ALOX5: variants seen among roughly 807,000 people sequenced by gnomAD.
ALOX5 encodes arachidonate 5-lipoxygenase.
A neutral mutation model predicts 87.9 loss-of-function variants in ALOX5; 64 were observed. The observed-to-expected ratio is 0.73, with a 90% CI of 0.60 to 0.90. The LOEUF (loss-of-function observed/expected upper bound fraction) is 0.90. ALOX5 is among the 40% of genes least tolerant of loss of function. ALOX5 has a pLI of 0.00. For synonymous variants in ALOX5, 388 were observed against 355.1 expected (o/e 1.09, Z -1.04); for missense variants, 822 against 907.5 (o/e 0.91, Z 1.21).
intron 6 of ALOX5, 36 bp from the exon 7 acceptor site, chr10:45,428,582 G>A (rs1841809384): frequency 6.2e-7 from 1 of 1,612,286 alleles, no homozygotes; most frequent in African/African-American, 1.3e-5. Context: ...TCCGTCTGCT[G>A]AGCCTGATTT....
chr10:45,442,506 T>C (rs1423330746), intron 9 of ALOX5: 1 of 153,000 alleles, frequency 6.5e-6, no homozygotes, highest in Non-Finnish European at 1.5e-5. Flanking sequence ...GACACACATA[T>C]GTGCCAGTGA....
intron 9 of ALOX5, 87 bp from the exon 10 acceptor site, chr10:45,442,951 C>A: frequency 7.0e-7 from 1 of 1,431,748 alleles, no homozygotes; most frequent in Non-Finnish European, 9.4e-7. Flanking sequence ...CTGGCCTCCT[C>A]GCCTCCCCTG....
At chr10:45,435,743 T>C (rs1019613740) in intron 7 of ALOX5, among the ~76,000 whole-genome samples, 2 of 152,368 alleles carry the variant, frequency 1.3e-5, no homozygotes, top group South Asian at 2.1e-4. Flanking sequence ...AATAAACATA[T>C]GTGTGCCTAT....
At chr10:45,389,221 T>C (rs1221155075) in intron 2 of ALOX5, among the ~76,000 whole-genome samples, 3 of 152,134 alleles carry the variant, frequency 2.0e-5, no homozygotes, top group African/African-American at 2.4e-5. Context: ...ATCTGATTGG[T>C]GTACCTGAAA....
At chr10:45,393,990 T>C (rs1319846563) in intron 2 of ALOX5, among the ~76,000 whole-genome samples, 1 of 152,260 alleles carries the variant, frequency 6.6e-6, no homozygotes, top group Non-Finnish European at 1.5e-5. Context: ...CCCATGCTCA[T>C]GGATAGGAAG....
rs1462382230 is a variant in ALOX5 at position 45,412,503 on chromosome 10, A to ACC, written c.554+190_554+191insCC. Among the ~76,000 whole-genome samples the ACC allele has an allele frequency of 1.2e-4, 18 of 152,294 alleles. No homozygotes were observed. In the East Asian group the frequency reaches 1.5e-3, roughly 13 times the overall value. ...AATTGCAGGACAACCGGTATCTTAAAAAAGGCATAACCAGAGGACTCCAGA... is the reference window on the plus strand; with the variant it reads ...AATTGCAGGACAACCGGTATCTTAAACCAAAGGCATAACCAGAGGACTCCAGA... On this transcript the variant is annotated intron_variant, in intron 4 of 13. Transcript: ENST00000374391.
chr10:45,380,017 G>A (rs1027963516), intron 1 of ALOX5, among the ~76,000 whole-genome samples: 11 of 152,116 alleles, frequency 7.2e-5, no homozygotes, highest in Non-Finnish European at 1.2e-4. Context: ...GGCCCGACGC[G>A]TATCCAGTCC....
rs2132809462 is a variant in ALOX5, at chr10:45,425,513, A to C, written c.834+381A>C. On this transcript the variant is annotated intron_variant, in intron 6 of 13. Coordinates refer to ENST00000374391, the MANE Select transcript of ALOX5 (RefSeq NM_000698.5). This position sits in a 1 kb window ranked among gnomAD's most constrained non-coding sequence, Gnocchi z 4.4. The stretch of plus-strand genomic sequence containing the variant: ...TGTCACCCACCTTGCAAAGGGGAGA[A>C]CACTGGAGAAAGAAGCAGACCTTGT... 6.6e-6 allele frequency among the ~76,000 whole-genome samples: 1 copy of C among 152,316 alleles called. No homozygotes were observed. The highest frequency in any genetic ancestry group is 1.5e-5 in the Non-Finnish European group (1 of 68,020).
intron 2 of ALOX5, among the ~76,000 whole-genome samples, chr10:45,384,681 C>T (rs1435905494): frequency 6.6e-6 from 1 of 152,142 alleles, no homozygotes; most frequent in East Asian, 1.9e-4. Context: ...CTGCCAATCT[C>T]TTCAGGCTTG....
At chr10:45,390,992 TCTCCC>T (rs1840203705) in intron 2 of ALOX5, among the ~76,000 whole-genome samples, 1 of 44,096 alleles carries the variant, frequency 2.3e-5, no homozygotes, top group African/African-American at 1.3e-4. Flanking sequence ...CCCTCTCCCC[TCTCCC>T]CTCTCCCCTC....
intron 2 of ALOX5, among the ~76,000 whole-genome samples, chr10:45,387,819 A>T (rs1334252035): frequency 6.6e-6 from 1 of 152,214 alleles, no homozygotes; most frequent in Non-Finnish European, 1.5e-5. Context: ...ACTAATTCAG[A>T]CTGGTTCCAA....
chr10:45,427,518 G>C (rs530336456), intron 6 of ALOX5, among the ~76,000 whole-genome samples: 1 of 152,244 alleles, frequency 6.6e-6, no homozygotes, highest in South Asian at 2.1e-4. Flanking sequence ...TCCTGGGTGG[G>C]TGGCTTCTGT....
In ALOX5 at chr10:45,443,184, C is replaced by T. The variant is rs754034177; in HGVS notation, c.1419C>T (p.Asp473=). The change falls in exon 10 of 14, where the codon GAC becomes GAT. Residue 473 remains aspartate (D), a synonymous_variant. Transcript: ENST00000374391. ...ACATCCCCTACTACTTCTACCGGGACGACGGGCTCCTGGTGTGGGAAGCCA... is the reference window on the plus strand; with the variant it reads ...ACATCCCCTACTACTTCTACCGGGATGACGGGCTCCTGGTGTGGGAAGCCA... ...KEDIPYYFYR[D]DGLLVWEAIR... 4.3e-6 allele frequency: 7 copies of T among 1,613,560 alleles called. No individual in the cohort carries two copies. Among genetic ancestry groups the T allele is most frequent in the Admixed American group, 1.7e-5 (1 of 59,986 alleles).
At chr10:45,404,405 G>A (rs1195751521) in intron 3 of ALOX5, among the ~76,000 whole-genome samples, 2 of 152,248 alleles carry the variant, frequency 1.3e-5, no homozygotes, top group African/African-American at 4.8e-5. Flanking sequence ...GGGAGAAGGA[G>A]AAGCAGACCC....
At position 45,413,698 on chromosome 10, in the gene ALOX5, C is replaced by T. The variant is rs150496007; in HGVS notation, c.554+1385C>T. On this transcript the variant is annotated intron_variant, in intron 4 of 13. Coordinates refer to ENST00000374391, the MANE Select transcript of ALOX5 (RefSeq NM_000698.5). Reference sequence around the variant, plus strand: ...TGATTTTATATCTAGAAAACCCCATCGTCTCAGCCCAAAATCTCCTTAAGC... The same window carrying T: ...TGATTTTATATCTAGAAAACCCCATTGTCTCAGCCCAAAATCTCCTTAAGC... Among the ~76,000 whole-genome samples the T allele has an allele frequency of 6.0e-3, 916 of 152,278 alleles. 7 individuals are homozygous for T. The highest frequency in any genetic ancestry group is 0.02 in the African/African-American group (819 of 41,550).
chr10:45,417,727 C>T (rs556942439), intron 4 of ALOX5, among the ~76,000 whole-genome samples: 6 of 152,320 alleles, frequency 3.9e-5, no homozygotes, highest in East Asian at 1.9e-4. Context: ...GGGACGCACC[C>T]GCCCCTGCCA....
chr10:45,403,661 C>T (rs531601882), intron 3 of ALOX5, among the ~76,000 whole-genome samples: 1 of 152,168 alleles, frequency 6.6e-6, no homozygotes, highest in Non-Finnish European at 1.5e-5. Flanking sequence ...ACTTACATGC[C>T]ATTAGCATCA....
At chr10:45,406,086 C>T (rs1840874620) in intron 3 of ALOX5, among the ~76,000 whole-genome samples, 1 of 152,168 alleles carries the variant, frequency 6.6e-6, no homozygotes. Flanking sequence ...GCTCAACTCA[C>T]ACTTACTGGC....
rs2132809744 is a variant in ALOX5 at position 45,425,655 on chromosome 10, AGCTGCCTCCG to A, written c.834+529_834+538del. Among the ~76,000 whole-genome samples the A allele has an allele frequency of 6.6e-6, 1 of 152,282 alleles. No homozygotes were observed. The highest frequency in any genetic ancestry group is 2.1e-4 in the South Asian group (1 of 4,832). Reference sequence around the variant, plus strand: ...CCTCCCCACCCTCACCTGCAGACTCAGCTGCCTCCGGCTGCAAGGCTGACCTAGTCTTGAG... The same window carrying A: ...CCTCCCCACCCTCACCTGCAGACTCAGCTGCAAGGCTGACCTAGTCTTGAG... On this transcript the variant is annotated intron_variant, in intron 6 of 13. Transcript: ENST00000374391. This position sits in a 1 kb window ranked among gnomAD's most constrained non-coding sequence, Gnocchi z 4.4.
Sources: allele counts gnomAD v4.1 joint callset (sites outside exome capture counted in the v4.1 genomes callset), GRCh38; gene constraint gnomAD v4.1.1; non-coding constraint Gnocchi (gnomAD v3.1); transcripts MANE v1.5; gene names NCBI Gene and HGNC (gene_info 2026-07-23, HGNC 2026-07-21).